BEND3: variants seen among roughly 807,000 people sequenced by gnomAD.
BEND3 encodes BEN domain-containing protein 3.
Under a neutral mutation model 60.1 loss-of-function variants are expected in BEND3, and 13 were observed. That is an observed-to-expected ratio of 0.22 (90% CI 0.14 to 0.34). The LOEUF (loss-of-function observed/expected upper bound fraction) is 0.34. BEND3 is among the 10% of genes least tolerant of loss of function. BEND3 has a pLI of 1.00. For synonymous variants in BEND3, 497 were observed against 491.5 expected, an observed-to-expected ratio of 1.01 and a Z score of -0.15; for missense variants, 896 against 1,138.1, an observed-to-expected ratio of 0.79 and a Z score of 3.06.
intron 3 of BEND3, among the ~76,000 whole-genome samples, chr6:107,087,766 G>A (rs1582656033): frequency 6.7e-6 from 1 of 149,318 alleles, no homozygotes; most frequent in African/African-American, 2.5e-5. Flanking sequence ...AAAAACAGAT[G>A]GTCAATGGAC....
At chr6:107,104,996 G>A (rs1207446933) in intron 1 of BEND3, among the ~76,000 whole-genome samples, 1 of 152,066 alleles carries the variant, frequency 6.6e-6, no homozygotes, top group Non-Finnish European at 1.5e-5. Flanking sequence ...ACCTGCAGTT[G>A]GATGAACCTG....
intron 3 of BEND3, among the ~76,000 whole-genome samples, chr6:107,072,878 C>T (rs868969700): frequency 6.6e-6 from 1 of 151,958 alleles, no homozygotes; most frequent in African/African-American, 2.4e-5. Flanking sequence ...GTCCCAGCTA[C>T]TCAGGAGGCT....
intron 3 of BEND3, among the ~76,000 whole-genome samples, chr6:107,097,790 C>CA (rs10674719): frequency 0.084 from 4,315 of 51,560 alleles, 246 homozygotes; most frequent in East Asian, 0.33. Flanking sequence ...AACTCCGTCT[C>CA]AAAAAAAAAA....
intron 3 of BEND3, among the ~76,000 whole-genome samples, chr6:107,083,777 A>G (rs1414894586): frequency 1.4e-4 from 22 of 152,144 alleles, no homozygotes; most frequent in Admixed American, 1.4e-3. Context: ...ATATCTGTCA[A>G]CTGATGAATG....
At chr6:107,071,748 A>G (rs1445344009) in intron 3 of BEND3, among the ~76,000 whole-genome samples, 1 of 133,892 alleles carries the variant, frequency 7.5e-6, no homozygotes, top group Non-Finnish European at 1.8e-5. Flanking sequence ...GATAAATCTC[A>G]AAATAAATAA....
At position 107,086,199 on chromosome 6, in the gene BEND3, C is replaced by T. The variant is rs112391617; in HGVS notation, c.240+12352G>A. 4.0e-4 allele frequency among the ~76,000 whole-genome samples: 61 copies of T among 152,322 alleles called. 1 individual carries two copies. Among genetic ancestry groups the T allele is most frequent in the African/African-American group, 1.4e-3 (57 of 41,572 alleles). On this transcript the variant is annotated intron_variant, in intron 3 of 3. Transcript: ENST00000369042. ...GAAGGGAGATACCCAACTCCAGCTC[C>T]TGCCTTTCACCTGGAGGAAGAGAAA... is the stretch of plus-strand genomic sequence containing the variant.
chr6:107,086,087 G>A (rs376491630), intron 3 of BEND3, among the ~76,000 whole-genome samples: 348 of 152,130 alleles, frequency 2.3e-3, no homozygotes, highest in African/African-American at 8.0e-3. Context: ...GCGCCTGGCC[G>A]CCTTCTCTTT....
chr6:107,093,723 C>A (rs1775524589), intron 3 of BEND3, among the ~76,000 whole-genome samples: 1 of 152,182 alleles, frequency 6.6e-6, no homozygotes, highest in Non-Finnish European at 1.5e-5. Flanking sequence ...AGTCCTTACA[C>A]CCTTTACAAA....
rs1351605281 is a variant in BEND3 at position 107,066,329 on chromosome 6, G to A, written c.*2375C>T. The stretch of plus-strand genomic sequence containing the variant: ...CATACAGACAGGGCAAGGACCTGCA[G>A]GCGTTTCCTGACGACAGTCCAGAGA... On this transcript the variant is annotated 3_prime_UTR_variant, in exon 4 of 4. Coordinates refer to ENST00000369042, the MANE Select transcript of BEND3 (RefSeq NM_001367314.1). 6.6e-6 allele frequency: 1 copy of A among 152,450 alleles called. No individual in the cohort carries two copies. Among genetic ancestry groups the A allele is most frequent in the Non-Finnish European group, 1.5e-5 (1 of 68,028 alleles). 9.4% of individuals were successfully genotyped at this position (152,450 alleles called of 1,614,324 possible).
chr6:107,075,328 A>G (rs1295851878), intron 3 of BEND3, among the ~76,000 whole-genome samples: 1 of 152,198 alleles, frequency 6.6e-6, no homozygotes, highest in African/African-American at 2.4e-5. Flanking sequence ...AATCAAGTTA[A>G]GAGTTTTGTT....
intron 3 of BEND3, among the ~76,000 whole-genome samples, chr6:107,080,367 A>C (rs1775203162): frequency 6.7e-6 from 1 of 149,856 alleles, no homozygotes; most frequent in African/African-American, 2.5e-5. Flanking sequence ...AAAAAAAAAA[A>C]AAAAAAAAAA....
At position 107,067,298 on chromosome 6, in the gene BEND3, C is replaced by T. The variant is rs1774852790; in HGVS notation, c.*1406G>A. ...TAAATTTTCCAGGACTCTGGTATGA[C>T]ACACTGTTTGCATTCGACTGTTTCC... On this transcript the variant is annotated 3_prime_UTR_variant, in exon 4 of 4. Coordinates refer to ENST00000369042, the MANE Select transcript of BEND3 (RefSeq NM_001367314.1). 1 of 152,216 alleles carries T rather than the reference C, an allele frequency of 6.6e-6. No individual in the cohort carries two copies. Among genetic ancestry groups the T allele is most frequent in the Admixed American group, 6.5e-5 (1 of 15,280 alleles). The allele number at this position is 152,216 out of a possible 1,614,324, so 9.4% of individuals were successfully genotyped here. A position where few individuals can be genotyped will look rare whatever the true frequency, so the allele number is the denominator to read the frequency against.
At chr6:107,096,527 G>A (rs905952421) in intron 3 of BEND3, among the ~76,000 whole-genome samples, 5 of 152,106 alleles carry the variant, frequency 3.3e-5, no homozygotes, top group East Asian at 1.9e-4. Flanking sequence ...CAGGAGAATC[G>A]CTTGAACAAG....
At chr6:107,104,289 CAAAAA>C (rs34091506) in intron 1 of BEND3, among the ~76,000 whole-genome samples, 3 of 101,662 alleles carry the variant, frequency 3.0e-5, no homozygotes, top group Non-Finnish European at 2.0e-5. Context: ...GACTCCGTCT[CAAAAA>C]AAAAAAAAAA....
chr6:107,095,906 A>T (rs191517551), intron 3 of BEND3, among the ~76,000 whole-genome samples: 2 of 152,346 alleles, frequency 1.3e-5, no homozygotes, highest in Non-Finnish European at 2.9e-5. Flanking sequence ...AAGGATGAAC[A>T]GATAGAGCAT....
At chr6:107,099,204 G>A in intron 2 of BEND3, 45 bp downstream of exon 2, 1 of 1,467,626 alleles carries the variant, frequency 6.8e-7, no homozygotes, top group Non-Finnish European at 9.5e-7. Flanking sequence ...CTGATCAAAA[G>A]TATTCAGTTA....
chr6:107,076,840 A>C (rs111411562), intron 3 of BEND3, among the ~76,000 whole-genome samples: 13 of 151,788 alleles, frequency 8.6e-5, no homozygotes, highest in Non-Finnish European at 1.8e-4. Flanking sequence ...ATCATCATCA[A>C]ATTTTTTTTT....
intron 3 of BEND3, among the ~76,000 whole-genome samples, chr6:107,091,697 G>C (rs1554235240): frequency 6.6e-6 from 1 of 151,992 alleles, no homozygotes; most frequent in African/African-American, 2.4e-5. Flanking sequence ...GGCCCAAATG[G>C]GTTCAAAGGT....
intron 1 of BEND3, among the ~76,000 whole-genome samples, chr6:107,112,003 A>G (rs957942028): frequency 1.7e-5 from 2 of 116,446 alleles, no homozygotes; most frequent in African/African-American, 6.1e-5. Context: ...AAAAAAAAAA[A>G]AAATTAAGCA....
Sources: allele counts gnomAD v4.1 joint callset (sites outside exome capture counted in the v4.1 genomes callset), GRCh38; gene constraint gnomAD v4.1.1; transcripts MANE v1.5; gene names NCBI Gene and HGNC (gene_info 2026-07-23, HGNC 2026-07-21).